COL23A1: variants seen among roughly 807,000 people sequenced by gnomAD.
The protein encoded by COL23A1 is collagen type XXIII alpha 1 chain.
In COL23A1, 97 loss-of-function variants were observed where a neutral mutation model predicts 99.3. That is an observed-to-expected ratio of 0.98 (90% confidence interval 0.83 to 1.16). The LOEUF is 1.16. Ranked by LOEUF, COL23A1 falls within the 50% of genes most tolerant of loss-of-function variation. The pLI is 0.00. For synonymous variants in COL23A1, 320 were observed against 308.2 expected (o/e 1.04, Z -0.40); for missense variants, 762 against 757.4 (o/e 1.01, Z -0.07).
intron 2 of COL23A1, among the ~76,000 whole-genome samples, chr5:178,425,800 A>G (rs1191945016): frequency 6.6e-6 from 1 of 152,196 alleles, no homozygotes; most frequent in Non-Finnish European, 1.5e-5. Context: ...TTTTACTTGG[A>G]AAGATGCTTT....
chr5:178,543,137 C>T (rs1358789224), intron 2 of COL23A1, among the ~76,000 whole-genome samples: 49 of 148,650 alleles, frequency 3.3e-4, no homozygotes, highest in East Asian at 1.6e-3. Context: ...GCCGGAGTTT[C>T]GCGCTTGTCG....
chr5:178,450,111 G>A (rs1263782677), intron 2 of COL23A1, among the ~76,000 whole-genome samples: 3 of 152,046 alleles, frequency 2.0e-5, no homozygotes, highest in East Asian at 1.9e-4. Context: ...ATACCCTCAC[G>A]GCCCTATGGT....
chr5:178,524,687 G>A (rs1445798857), intron 2 of COL23A1, among the ~76,000 whole-genome samples: 6 of 152,276 alleles, frequency 3.9e-5, no homozygotes, highest in South Asian at 2.1e-4. Context: ...ACGCTGACCC[G>A]AGGCAGGGCT....
chr5:178,573,098 G>A (rs947965002), intron 1 of COL23A1, among the ~76,000 whole-genome samples: 2 of 152,228 alleles, frequency 1.3e-5, no homozygotes, highest in African/African-American at 4.8e-5. Context: ...TCTGGAGGGT[G>A]AGGGATGCAT....
intron 2 of COL23A1, among the ~76,000 whole-genome samples, chr5:178,550,896 C>T (rs1240719952): frequency 3.9e-5 from 6 of 152,086 alleles, no homozygotes; most frequent in Admixed American, 2.0e-4. Flanking sequence ...CCTGATGGTG[C>T]TCTGTAAGTA....
intron 7 of COL23A1, among the ~76,000 whole-genome samples, chr5:178,268,102 C>T (rs72819031): frequency 0.026 from 3,946 of 152,328 alleles, 71 homozygotes; most frequent in Non-Finnish European, 0.038. Context: ...ACAGCAGGGC[C>T]CATCTGCAGA....
chr5:178,489,994 G>A (rs1202834641), intron 2 of COL23A1, among the ~76,000 whole-genome samples: 1 of 152,018 alleles, frequency 6.6e-6, no homozygotes, highest in Non-Finnish European at 1.5e-5. Context: ...AGCACTTTGG[G>A]AGGCCGAGGC....
chr5:178,358,209 GTGTA>G (rs199948739), intron 2 of COL23A1, among the ~76,000 whole-genome samples: 15,147 of 138,052 alleles, frequency 0.11, 965 homozygotes, highest in Non-Finnish European at 0.12. Flanking sequence ...ATGTGTACGT[GTGTA>G]TGTGTGTCTA....
At chr5:178,560,899 A>G (rs1581639967) in intron 1 of COL23A1, 151 bp from the exon 2 acceptor site, 1 of 715,268 alleles carries the variant, frequency 1.4e-6, no homozygotes, top group East Asian at 2.8e-5. Flanking sequence ...AAAGATCCTT[A>G]AACTCTACAG....
chr5:178,450,876 AG>A, intron 2 of COL23A1, among the ~76,000 whole-genome samples: 1 of 152,344 alleles, frequency 6.6e-6, no homozygotes, highest in East Asian at 1.9e-4. Context: ...AGCCAGGATA[AG>A]AACACCCAGT....
chr5:178,315,631 G>A (rs1404492469), intron 2 of COL23A1, among the ~76,000 whole-genome samples: 2 of 152,144 alleles, frequency 1.3e-5, no homozygotes, highest in Admixed American at 6.5e-5. Context: ...AAGGGGCAGG[G>A]CACGGGAAGG....
rs1758413307 is a variant in COL23A1, at chr5:178,307,320, A to G, written c.362-401T>C. ...TGGGTTATCTTAGGAAAGCCCTGAC[A>G]AACGCTGCTTCATATTCACTAAAGT... On this transcript the variant is annotated intron_variant, in intron 2 of 28. Coordinates refer to ENST00000390654, the MANE Select transcript of COL23A1 (RefSeq NM_173465.4). This position sits in a 1 kb window ranked among gnomAD's most constrained non-coding sequence, Gnocchi z 4.2. Among the ~76,000 whole-genome samples, 1 of 152,238 alleles carries G rather than the reference A, an allele frequency of 6.6e-6. No individual in the cohort carries two copies. Among genetic ancestry groups the G allele is most frequent in the Admixed American group, 6.5e-5 (1 of 15,290 alleles).
intron 2 of COL23A1, among the ~76,000 whole-genome samples, chr5:178,396,821 C>A (rs1358873265): frequency 6.7e-6 from 1 of 150,004 alleles, no homozygotes; most frequent in Admixed American, 6.7e-5. Flanking sequence ...GGCTTGGTTC[C>A]GGCCCCGGCT....
chr5:178,518,648 T>C (rs1377420357), intron 2 of COL23A1, among the ~76,000 whole-genome samples: 74 of 103,654 alleles, frequency 7.1e-4, no homozygotes, highest in African/African-American at 2.5e-3. Context: ...CGCTCCTCAC[T>C]TCCTAGATGG....
At chr5:178,259,971 G>T (rs990448144) in intron 11 of COL23A1, among the ~76,000 whole-genome samples, 1 of 152,240 alleles carries the variant, frequency 6.6e-6, no homozygotes, top group Non-Finnish European at 1.5e-5. Context: ...CACTGTTCTT[G>T]AAAGTGGAGA....
chr5:178,446,903 TG>T (rs1175496065), intron 2 of COL23A1, among the ~76,000 whole-genome samples: 1 of 152,118 alleles, frequency 6.6e-6, no homozygotes, highest in Non-Finnish European at 1.5e-5. Flanking sequence ...CTTAACAGGT[TG>T]AGAGAAAACC....
At chr5:178,421,931 C>T (rs998348098) in intron 2 of COL23A1, among the ~76,000 whole-genome samples, 2 of 150,568 alleles carry the variant, frequency 1.3e-5, no homozygotes, top group East Asian at 1.9e-4. Flanking sequence ...AGGTGAAGAA[C>T]GCCGGGGGGT....
At position 178,510,401 on chromosome 5, in the gene COL23A1, G is replaced by A. The variant is rs375706437; in HGVS notation, c.361+50281C>T. On this transcript the variant is annotated intron_variant, in intron 2 of 28. Coordinates refer to ENST00000390654, the MANE Select transcript of COL23A1 (RefSeq NM_173465.4). The stretch of plus-strand genomic sequence containing the variant: ...TACTAAAAATACAAAAACTAGCCAG[G>A]TGTGGTGGTGCACACCTGTAACCCC... Among the ~76,000 whole-genome samples the A allele has an allele frequency of 1.1e-4, 16 of 152,282 alleles. No homozygotes were observed. In the East Asian group the frequency reaches 3.1e-3, roughly 29 times the overall value.
intron 2 of COL23A1, among the ~76,000 whole-genome samples, chr5:178,458,636 C>G (rs541934290): frequency 1.4e-3 from 83 of 59,666 alleles, no homozygotes; most frequent in Middle Eastern, 0.013. Flanking sequence ...GACTCTGTCT[C>G]CAAAAAAAAA....
Sources: allele counts gnomAD v4.1 joint callset (sites outside exome capture counted in the v4.1 genomes callset), GRCh38; gene constraint gnomAD v4.1.1; non-coding constraint Gnocchi (gnomAD v3.1); transcripts MANE v1.5; gene names NCBI Gene and HGNC (gene_info 2026-07-23, HGNC 2026-07-21).